Variants in TACC2 observed in about 807,000 individuals in gnomAD.
TACC2 encodes transforming acidic coiled-coil containing protein 2.
Under a neutral mutation model 227.3 loss-of-function variants are expected in TACC2, and 137 were observed. The observed-to-expected ratio is 0.60, with a 90% confidence interval of 0.52 to 0.69. The LOEUF is 0.69. Among genes scored for constraint, TACC2 ranks in the 30% least tolerant of loss-of-function variants. The pLI is 0.00. For missense variants in TACC2, 3,470 were observed against 3,694.4 expected, an observed-to-expected ratio of 0.94 and a Z score of 1.57; for synonymous variants, 1,523 against 1,487.5, an observed-to-expected ratio of 1.02 and a Z score of -0.55.
chr10:122,118,397 C>T lies in TACC2; in HGVS notation c.5574-14212C>T, dbSNP rs17550914. On this transcript the variant is annotated intron_variant, in intron 5 of 22. Transcript: ENST00000369005. ...CCAGGACTCTGCATTCTGGAACTCCCAGGTTGTCTTGTGGTCAGCCGTGTG... is the reference window on the plus strand; with the variant it reads ...CCAGGACTCTGCATTCTGGAACTCCTAGGTTGTCTTGTGGTCAGCCGTGTG... 4.3e-3 allele frequency among the ~76,000 whole-genome samples: 655 copies of T among 152,294 alleles called. 2 individuals carry two copies. The highest frequency in any genetic ancestry group is 0.01 in the Middle Eastern group (3 of 294).
chr10:122,083,869 G>T lies in TACC2; in HGVS notation c.1369G>T (p.Ala457Ser). 1 of 1,614,170 alleles carries T rather than the reference G, an allele frequency of 6.2e-7. No individual in the cohort carries two copies. Among genetic ancestry groups the T allele is most frequent in the East Asian group, 2.2e-5 (1 of 44,876 alleles). The change falls in exon 4 of 23, where the codon GCC becomes TCC. Residue 457 changes from alanine (A) to serine (S), a missense_variant. Ala to Ser is a moderately conservative substitution (Grantham distance 99). Transcript: ENST00000369005. Reference protein sequence around the residue: ...KAGMPVSADAAKEVVDAGLVG... With the variant: ...KAGMPVSADASKEVVDAGLVG... Reference sequence around the variant, plus strand: ...TGGGATGCCAGTTTCTGCAGATGCAGCCAAAGAGGTGGTGGATGCAGGGTT... The same window carrying T: ...TGGGATGCCAGTTTCTGCAGATGCATCCAAAGAGGTGGTGGATGCAGGGTT...
chr10:122,143,516 ATG>A, intron 6 of TACC2, 54 bp from the exon 7 acceptor site: 1 of 1,581,052 alleles, frequency 6.3e-7, no homozygotes, highest in Non-Finnish European at 8.6e-7. Context: ...GGCCTGATGA[ATG>A]TGCCATTAAT....
At chr10:122,094,545 CT>C (rs1474624455) in intron 5 of TACC2, among the ~76,000 whole-genome samples, 1 of 152,222 alleles carries the variant, frequency 6.6e-6, no homozygotes, top group Non-Finnish European at 1.5e-5. Flanking sequence ...TCCTAAAGCA[CT>C]GGGATTATTA....
intron 5 of TACC2, chr10:122,113,308 G>A (rs2083986330): frequency 6.6e-6 from 1 of 152,300 alleles, no homozygotes; most frequent in African/African-American, 2.4e-5. Context: ...CCCAGACAAA[G>A]GCGTACTGGA....
chr10:122,063,308 C>T (rs966535632), intron 3 of TACC2, among the ~76,000 whole-genome samples: 16 of 152,238 alleles, frequency 1.1e-4, no homozygotes, highest in Non-Finnish European at 1.9e-4. Context: ...AATTCCCAGG[C>T]TCCTGCCCAG....
At chr10:122,176,451 C>T (rs1289537388) in intron 7 of TACC2, among the ~76,000 whole-genome samples, 1 of 152,066 alleles carries the variant, frequency 6.6e-6, no homozygotes, top group Non-Finnish European at 1.5e-5. Context: ...CAGAGGCTCC[C>T]ACAGGGGAGT....
intron 12 of TACC2, among the ~76,000 whole-genome samples, chr10:122,225,402 A>G (rs1391103135): frequency 1.3e-5 from 2 of 152,210 alleles, no homozygotes; most frequent in African/African-American, 4.8e-5. Flanking sequence ...ACTGCTTCCA[A>G]ACTGCAGGTT....
At chr10:122,036,506 T>TC (rs1374739569) in intron 2 of TACC2, among the ~76,000 whole-genome samples, 1 of 150,436 alleles carries the variant, frequency 6.6e-6, no homozygotes, top group Admixed American at 6.6e-5. Context: ...CATTCTTTTT[T>TC]TTTTTTTTTT....
At chr10:122,110,180 C>G (rs1310937966) in intron 5 of TACC2, among the ~76,000 whole-genome samples, 1 of 152,162 alleles carries the variant, frequency 6.6e-6, no homozygotes, top group African/African-American at 2.4e-5. Flanking sequence ...AAAAAGAATC[C>G]TTGGGAAGTA....
intron 11 of TACC2, among the ~76,000 whole-genome samples, chr10:122,219,491 G>C (rs924788824): frequency 1.3e-5 from 2 of 152,244 alleles, no homozygotes; most frequent in African/African-American, 4.8e-5. Flanking sequence ...AGACAGGTTT[G>C]TGAAATAATG....
chr10:122,217,701 A>C (rs138350238), intron 11 of TACC2, among the ~76,000 whole-genome samples: 1 of 151,964 alleles, frequency 6.6e-6, no homozygotes, highest in South Asian at 2.1e-4. Flanking sequence ...TGGCCTCCCA[A>C]AGTGCTGGGA....
chr10:122,180,792 T>G lies in TACC2; in HGVS notation c.5835-14248T>G, dbSNP rs936508142. ...GCTCTGTTGCCGAGGCTGGATGGAGTGCAATGGCGCAGTCTCGGCTCACTG... is the reference window on the plus strand; with the variant it reads ...GCTCTGTTGCCGAGGCTGGATGGAGGGCAATGGCGCAGTCTCGGCTCACTG... On this transcript the variant is annotated intron_variant, in intron 7 of 22. Coordinates refer to ENST00000369005, the MANE Select transcript of TACC2 (RefSeq NM_206862.4). This position sits in a 1 kb window ranked among gnomAD's most constrained non-coding sequence, Gnocchi z 4.5. Among the ~76,000 whole-genome samples the G allele has an allele frequency of 6.6e-6, 1 of 152,018 alleles. No homozygotes were observed. Among genetic ancestry groups the G allele is most frequent in the Non-Finnish European group, 1.5e-5 (1 of 67,996 alleles).
At chr10:122,036,954 T>TTTTG (rs903674437) in intron 2 of TACC2, among the ~76,000 whole-genome samples, 5 of 152,294 alleles carry the variant, frequency 3.3e-5, no homozygotes, top group East Asian at 1.9e-4. Flanking sequence ...TTACTTTGTT[T>TTTTG]TTTGTTTGTT....
intron 3 of TACC2, among the ~76,000 whole-genome samples, chr10:122,063,614 C>G (rs527957956): frequency 6.6e-6 from 1 of 152,042 alleles, no homozygotes; most frequent in African/African-American, 2.4e-5. Context: ...TGGAACATAG[C>G]GAAGAGTGCA....
intron 5 of TACC2, among the ~76,000 whole-genome samples, chr10:122,121,792 C>T (rs1592255895): frequency 6.6e-6 from 1 of 152,262 alleles, no homozygotes; most frequent in East Asian, 1.9e-4. Flanking sequence ...GTAGAGGTCC[C>T]TGCCCTGTTG....
intron 2 of TACC2, among the ~76,000 whole-genome samples, chr10:122,034,296 G>T (rs1323875654): frequency 2.6e-5 from 4 of 152,114 alleles, no homozygotes; most frequent in African/African-American, 4.8e-5. Context: ...ATAGAGCATT[G>T]TGAAGCCTTT....
chr10:122,086,203 A>C lies in TACC2; in HGVS notation c.3703A>C (p.Thr1235Pro). 6.2e-7 allele frequency: 1 copy of C among 1,613,580 alleles called. No homozygotes were observed. The highest frequency in any genetic ancestry group is 8.5e-7 in the Non-Finnish European group (1 of 1,179,958). Residue 1235 changes from threonine (T) to proline (P), a missense_variant, in exon 4 of 23, where the codon ACC (threonine) becomes CCC (proline). Coordinates refer to ENST00000369005, the MANE Select transcript of TACC2 (RefSeq NM_206862.4). Reference sequence around the variant, plus strand: ...GCCACCAGAAGTGGCTGCTCCTGACACCCCTTACCTGCATGTCGACAGTGC... The same window carrying C: ...GCCACCAGAAGTGGCTGCTCCTGACCCCCCTTACCTGCATGTCGACAGTGC... ...SGPPEVAAPDTPYLHVDSAAQ... is the reference protein window; with the variant it reads ...SGPPEVAAPDPPYLHVDSAAQ...
At chr10:122,060,039 G>T (rs986776864) in intron 3 of TACC2, among the ~76,000 whole-genome samples, 2 of 152,178 alleles carry the variant, frequency 1.3e-5, no homozygotes, top group African/African-American at 4.8e-5. Flanking sequence ...ACTGCGTCTG[G>T]AATGACAAAA....
intron 5 of TACC2, among the ~76,000 whole-genome samples, chr10:122,105,713 C>T (rs1334645628): frequency 8.6e-5 from 13 of 151,234 alleles, no homozygotes; most frequent in African/African-American, 1.5e-4. Context: ...CTCTGCTTCC[C>T]GGGTTCGAGC....
Sources: gnomAD v4.1 joint callset for allele counts (sites outside exome capture counted in the v4.1 genomes callset) on GRCh38, gnomAD v4.1.1 for gene constraint, Gnocchi (gnomAD v3.1) non-coding constraint, MANE v1.5 for transcripts, NCBI Gene and HGNC (gene_info 2026-07-23, HGNC 2026-07-21) for gene names.